Variants in BMAL1 observed in about 807,000 individuals in gnomAD.
The protein encoded by BMAL1 is basic helix-loop-helix ARNT-like protein 1.
At chr11:13,347,103 G>A in the BMAL1 span, among the ~76,000 whole-genome samples, 8 of 152,202 alleles carry the variant, frequency 5.3e-5, no homozygotes, top group Admixed American at 5.2e-4. Flanking sequence ...TATAAGAGAG[G>A]CTTTTGAGGC....
At chr11:13,354,653 T>A in the BMAL1 span, 2 of 589,050 alleles carry the variant, frequency 3.4e-6, no homozygotes, top group Non-Finnish European at 5.7e-6. Context: ...CTGAGGCATT[T>A]AACTTCCACT....
chr11:13,295,444 C>T, the BMAL1 span, among the ~76,000 whole-genome samples: 1 of 152,050 alleles, frequency 6.6e-6, no homozygotes, highest in Non-Finnish European at 1.5e-5. Flanking sequence ...AGTGGGAGGG[C>T]CAGAGTTGGG....
chr11:13,318,538 CACTT>C, the BMAL1 span, among the ~76,000 whole-genome samples: 3 of 124,710 alleles, frequency 2.4e-5, no homozygotes, highest in African/African-American at 6.0e-5. Flanking sequence ...AAATAAAAGA[CACTT>C]AGTTTTTTTT....
At chr11:13,358,344 T>C in the BMAL1 span, 1 of 1,344,266 alleles carries the variant, frequency 7.4e-7, no homozygotes, top group South Asian at 2.0e-5. Context: ...AGATGAACAT[T>C]GAAAACAGTT....
chr11:13,376,659 G>A, the BMAL1 span: 53 of 1,613,852 alleles, frequency 3.3e-5, no homozygotes, highest in Non-Finnish European at 4.1e-5. Flanking sequence ...CCTGGAAGGC[G>A]GGGACCCAAC....
chr11:13,349,792 C>A, the BMAL1 span, among the ~76,000 whole-genome samples: 1 of 152,080 alleles, frequency 6.6e-6, no homozygotes. Context: ...TGGTGAGTGC[C>A]GGTAGAGTGT....
At chr11:13,347,635 C>T in the BMAL1 span, among the ~76,000 whole-genome samples, 1 of 151,836 alleles carries the variant, frequency 6.6e-6, no homozygotes, top group South Asian at 2.1e-4. Flanking sequence ...TTGCTTGAGC[C>T]CAGGACTTTG....
the BMAL1 span, among the ~76,000 whole-genome samples, chr11:13,314,055 C>T: frequency 6.6e-6 from 1 of 152,098 alleles, no homozygotes; most frequent in African/African-American, 2.4e-5. Flanking sequence ...TCCAGTTTCC[C>T]CCAAATCTTC....
At chr11:13,335,165 T>TG in the BMAL1 span, among the ~76,000 whole-genome samples, 20 of 151,978 alleles carry the variant, frequency 1.3e-4, no homozygotes, top group Non-Finnish European at 1.5e-4. Context: ...ATCTGAAAAA[T>TG]GGGGATGATA....
the BMAL1 span, among the ~76,000 whole-genome samples, chr11:13,314,494 C>T: frequency 8.5e-5 from 13 of 152,234 alleles, no homozygotes; most frequent in African/African-American, 1.9e-4. Flanking sequence ...GAGTTTGTGA[C>T]GCCTGTTGTG....
At chr11:13,325,431 CT>C in the BMAL1 span, among the ~76,000 whole-genome samples, 52 of 152,088 alleles carry the variant, frequency 3.4e-4, 1 homozygote, top group African/African-American at 1.2e-3. Context: ...ACAAATGCTG[CT>C]TTTTTTCTTT....
At chr11:13,314,229 C>CCACACACACACACACACACA in the BMAL1 span, among the ~76,000 whole-genome samples, 635 of 138,706 alleles carry the variant, frequency 4.6e-3, 9 homozygotes, top group East Asian at 0.014. Flanking sequence ...AGGGTGGAGA[C>CCACACACACACACACACACA]CACACACACA....
chr11:13,349,150 C>T, the BMAL1 span, among the ~76,000 whole-genome samples: 1 of 152,230 alleles, frequency 6.6e-6, no homozygotes, highest in Admixed American at 6.5e-5. Flanking sequence ...ACCATGAACC[C>T]TGTTTCAGAA....
chr11:13,385,606 C>T, the BMAL1 span: 1 of 955,862 alleles, frequency 1.0e-6, no homozygotes, highest in Admixed American at 2.1e-5. Context: ...AGCTTCTCCC[C>T]ACCCCACCCC....
the BMAL1 span, among the ~76,000 whole-genome samples, chr11:13,371,163 A>C: frequency 3.3e-5 from 5 of 151,898 alleles, no homozygotes; most frequent in Non-Finnish European, 7.4e-5. Flanking sequence ...ACCAGCACAG[A>C]CTCCACGCTT....
the BMAL1 span, chr11:13,358,378 T>A: frequency 6.9e-7 from 1 of 1,442,624 alleles, no homozygotes; most frequent in Non-Finnish European, 9.2e-7. Context: ...TTTTGTCATC[T>A]TTTCTTGATG....
chr11:13,344,653 G>T, the BMAL1 span, among the ~76,000 whole-genome samples: 2 of 152,216 alleles, frequency 1.3e-5, no homozygotes, highest in Non-Finnish European at 2.9e-5. Flanking sequence ...AAATCTGTCT[G>T]TTGCAAAGCA....
At chr11:13,382,199 A>G in the BMAL1 span, among the ~76,000 whole-genome samples, 1 of 152,278 alleles carries the variant, frequency 6.6e-6, no homozygotes, top group African/African-American at 2.4e-5. Context: ...CTTCTTTTTT[A>G]TACAGGAATC....
At chr11:13,334,023 G>A in the BMAL1 span, among the ~76,000 whole-genome samples, 1 of 152,158 alleles carries the variant, frequency 6.6e-6, no homozygotes, top group Non-Finnish European at 1.5e-5. Flanking sequence ...GAGAGTGCTT[G>A]CCATGGGCCA....
Sources: gnomAD v4.1 joint callset for allele counts (sites outside exome capture counted in the v4.1 genomes callset) on GRCh38, gnomAD v4.1.1 for gene constraint, MANE v1.5 for transcripts, NCBI Gene and HGNC (gene_info 2026-07-23, HGNC 2026-07-21) for gene names.